The following CREB5 variants were observed in gnomAD, a reference collection of about 807,000 sequenced individuals.
CREB5 encodes cAMP responsive element binding protein 5, also known as cyclic AMP-responsive element-binding protein 5.
A neutral mutation model predicts 57.1 loss-of-function variants in CREB5; 19 were observed. The ratio of observed to expected loss-of-function variants is 0.33; its 90% CI spans 0.23 to 0.49. The LOEUF (loss-of-function observed/expected upper bound fraction) is 0.49, where lower values mean the gene tolerates loss of function less well. Among genes scored for constraint, CREB5 ranks in the 20% least tolerant of loss-of-function variants. The probability of loss-of-function intolerance (pLI) is 0.99; values close to 1 mark genes in which losing one functional copy is unlikely to be tolerated. For missense variants in CREB5, 579 were observed against 671.6 expected (o/e 0.86, Z 1.52); for synonymous variants, 238 against 238.3 (o/e 1.00, Z 0.01).
chr7:28,725,574 T>TA (rs1274960756), intron 7 of CREB5, among the ~76,000 whole-genome samples: 1 of 148,650 alleles, frequency 6.7e-6, no homozygotes, highest in Non-Finnish European at 1.5e-5. Flanking sequence ...CCAAACCAAA[T>TA]ACTTGCTGGC....
intron 4 of CREB5, among the ~76,000 whole-genome samples, chr7:28,560,893 T>TGCGTGTGTGC (rs1187390811): frequency 3.4e-4 from 7 of 20,472 alleles, no homozygotes; most frequent in Admixed American, 1.0e-3. Context: ...CGTGCGTGTG[T>TGCGTGTGTGC]GTGCGTGCGC....
chr7:28,545,570 C>G (rs1388993694), intron 4 of CREB5, among the ~76,000 whole-genome samples: 1 of 152,184 alleles, frequency 6.6e-6, no homozygotes, highest in Non-Finnish European at 1.5e-5. Flanking sequence ...GAAGATCATC[C>G]ACACCTACCG....
intron 7 of CREB5, among the ~76,000 whole-genome samples, chr7:28,755,838 A>C (rs1304895827): frequency 6.6e-6 from 1 of 152,078 alleles, no homozygotes; most frequent in Non-Finnish European, 1.5e-5. Context: ...AGGCCCTAAA[A>C]TCTGTAAGTG....
At chr7:28,670,951 C>T (rs1280013681) in intron 5 of CREB5, among the ~76,000 whole-genome samples, 1 of 152,112 alleles carries the variant, frequency 6.6e-6, no homozygotes, top group African/African-American at 2.4e-5. Flanking sequence ...CTTGGCCACA[C>T]ACTTTTTGAT....
intron 7 of CREB5, among the ~76,000 whole-genome samples, chr7:28,799,881 A>T (rs890479939): frequency 4.6e-5 from 7 of 152,352 alleles, no homozygotes; most frequent in South Asian, 4.1e-4. Context: ...TAATAAAATC[A>T]TCCTCCCACA....
At chr7:28,714,582 C>T (rs570418836) in intron 5 of CREB5, among the ~76,000 whole-genome samples, 13 of 152,324 alleles carry the variant, frequency 8.5e-5, no homozygotes, top group African/African-American at 2.6e-4. Context: ...GACAGGAAAA[C>T]ATCCTTCGGG....
intron 1 of CREB5, among the ~76,000 whole-genome samples, chr7:28,300,686 A>C (rs1180106925): frequency 6.6e-6 from 1 of 152,258 alleles, no homozygotes; most frequent in Non-Finnish European, 1.5e-5. Context: ...TGTGTGATTT[A>C]ATGTGATGAA....
intron 5 of CREB5, among the ~76,000 whole-genome samples, chr7:28,704,935 G>GACACA (rs1802033827): frequency 6.6e-6 from 1 of 152,156 alleles, no homozygotes; most frequent in Non-Finnish European, 1.5e-5. Flanking sequence ...AGACACTCTT[G>GACACA]CTGGTGTATT....
At chr7:28,643,949 T>A (rs1241396477) in intron 5 of CREB5, among the ~76,000 whole-genome samples, 1 of 151,918 alleles carries the variant, frequency 6.6e-6, no homozygotes, top group Non-Finnish European at 1.5e-5. Flanking sequence ...CATGGTGGTG[T>A]GTACCTATAG....
At chr7:28,766,476 AT>A (rs1291068375) in intron 7 of CREB5, among the ~76,000 whole-genome samples, 2 of 152,256 alleles carry the variant, frequency 1.3e-5, no homozygotes, top group Non-Finnish European at 2.9e-5. Flanking sequence ...TGACAAGGTT[AT>A]GCTTCGTTTC....
intron 1 of CREB5, among the ~76,000 whole-genome samples, chr7:28,336,115 T>C (rs1785817817): frequency 6.6e-6 from 1 of 152,136 alleles, no homozygotes; most frequent in Non-Finnish European, 1.5e-5. Context: ...TTGTCGAGGA[T>C]TTTTGAATTA....
upstream of CREB5, chr7:28,410,904 A>G (rs1359042681): frequency 1.1e-5 from 3 of 272,862 alleles, no homozygotes; most frequent in Non-Finnish European, 2.2e-5. Flanking sequence ...GGGCATCTTT[A>G]TTGCCCTCTC....
intron 7 of CREB5, among the ~76,000 whole-genome samples, chr7:28,789,037 A>T (rs1807504155): frequency 6.6e-6 from 1 of 152,138 alleles, no homozygotes; most frequent in South Asian, 2.1e-4. Context: ...TCTCCCTAAC[A>T]TGGGAGTCCT....
intron 1 of CREB5, among the ~76,000 whole-genome samples, chr7:28,467,332 C>A (rs567207109): frequency 6.6e-6 from 1 of 152,192 alleles, no homozygotes; most frequent in South Asian, 2.1e-4. Flanking sequence ...CAGAATTACC[C>A]CCGCTTCCTG....
intron 4 of CREB5, among the ~76,000 whole-genome samples, chr7:28,530,748 A>G (rs1793691297): frequency 6.6e-6 from 1 of 152,154 alleles, no homozygotes; most frequent in South Asian, 2.1e-4. Context: ...TAGAAGCGCA[A>G]GTGTGTCTCA....
In CREB5 at chr7:28,724,346, A is replaced by C. The variant is rs765955094; in HGVS notation, c.702+14A>C. On this transcript the variant is annotated intron_variant, in intron 7 of 10. Transcript: ENST00000357727. Reference sequence around the variant, plus strand: ...GAAGCCAAAATGGTAAGTAACAGTTATAATCACCCTTTCATTATTCTGTGA... The same window carrying C: ...GAAGCCAAAATGGTAAGTAACAGTTCTAATCACCCTTTCATTATTCTGTGA... 6.3e-7 allele frequency: 1 copy of C among 1,589,700 alleles called. No individual in the cohort carries two copies. The highest frequency in any genetic ancestry group is 1.3e-5 in the African/African-American group (1 of 74,496).
chr7:28,330,175 G>A (rs961813491), intron 1 of CREB5, among the ~76,000 whole-genome samples: 1 of 152,176 alleles, frequency 6.6e-6, no homozygotes, highest in East Asian at 1.9e-4. Context: ...CGATTCTCTC[G>A]TGTTGCATGT....
At chr7:28,385,975 T>C (rs978322053) in intron 1 of CREB5, among the ~76,000 whole-genome samples, 2 of 152,186 alleles carry the variant, frequency 1.3e-5, no homozygotes, top group African/African-American at 4.8e-5. Flanking sequence ...TATATGTATA[T>C]AAATAGACTT....
intron 1 of CREB5, among the ~76,000 whole-genome samples, chr7:28,482,304 G>C (rs1791367405): frequency 6.6e-6 from 1 of 152,196 alleles, no homozygotes; most frequent in Admixed American, 6.5e-5. Context: ...AAAATAAATC[G>C]AGAGTGTGTT....
Sources: allele counts gnomAD v4.1 joint callset (sites outside exome capture counted in the v4.1 genomes callset), GRCh38; gene constraint gnomAD v4.1.1; transcripts MANE v1.5; gene names NCBI Gene and HGNC (gene_info 2026-07-23, HGNC 2026-07-21).